Variants in ZNF557 observed in about 807,000 individuals in gnomAD.
ZNF557 encodes the protein zinc finger protein 557, also known as CTB-25J19.9.
ZNF557 carries 19 observed loss-of-function variants against 21.2 expected under a neutral mutation model. The observed-to-expected ratio is 0.90, with a 90% CI of 0.63 to 1.32. The LOEUF (loss-of-function observed/expected upper bound fraction) is 1.32, where lower values mean the gene tolerates loss of function less well. ZNF557 is among the 40% of genes most tolerant of loss of function. ZNF557 has a pLI of 0.00. For missense variants in ZNF557, 487 were observed against 519.8 expected (o/e 0.94, Z 0.61); for synonymous variants, 207 against 194.8 (o/e 1.06, Z -0.52).
chr19:7,078,537 T>G (rs1205075894), intron 5 of ZNF557, among the ~76,000 whole-genome samples: 3 of 151,806 alleles, frequency 2.0e-5, no homozygotes, highest in Non-Finnish European at 4.4e-5. Context: ...TTCAAGCAAT[T>G]CTCCCTGCCT....
At chr19:7,079,356 C>T (rs1275424416) in intron 5 of ZNF557, among the ~76,000 whole-genome samples, 1 of 151,364 alleles carries the variant, frequency 6.6e-6, no homozygotes, top group Admixed American at 6.6e-5. Context: ...ATTCTCCTGC[C>T]TCAGCCTCCC....
intron 2 of ZNF557, among the ~76,000 whole-genome samples, chr19:7,074,227 C>T (rs1977523316): frequency 6.6e-6 from 1 of 151,586 alleles, no homozygotes; most frequent in African/African-American, 2.4e-5. Flanking sequence ...AGGATCGTCT[C>T]GATCTCCTGA....
chr19:7,081,609 C>A (rs972888708), intron 6 of ZNF557, among the ~76,000 whole-genome samples, 154 bp downstream of exon 6: 3 of 152,166 alleles, frequency 2.0e-5, no homozygotes, highest in African/African-American at 7.2e-5. Flanking sequence ...TCTGAGCCCC[C>A]TCATGTACCT....
At chr19:7,071,486 G>A (rs2145160746) in intron 2 of ZNF557, among the ~76,000 whole-genome samples, 1 of 152,228 alleles carries the variant, frequency 6.6e-6, no homozygotes, top group South Asian at 2.1e-4. Flanking sequence ...CCTGCTGGGC[G>A]GCATTGTTCT....
chr19:7,082,339 C>T lies in ZNF557; in HGVS notation c.426+287C>T, dbSNP rs956794106. Among the ~76,000 whole-genome samples, 7 of 146,166 alleles carry T rather than the reference C, an allele frequency of 4.8e-5. No homozygotes were observed. In the South Asian group the frequency reaches 1.5e-3, roughly 31 times the overall value. ...TTGGGAAGCTGAAACAGAAGAATCA[C>T]TTGAACCCTGGAGGTGGAGCTTGCA... is the stretch of plus-strand genomic sequence containing the variant. On this transcript the variant is annotated intron_variant, in intron 7 of 7. Transcript: ENST00000252840.
Position 7,086,195 on chromosome 19 carries a change from C to T in ZNF557, c.*2451C>T, listed in dbSNP as rs1277964203. The T allele has an allele frequency of 7.5e-6, 1 of 133,112 alleles. No homozygotes were observed. Among genetic ancestry groups the T allele is most frequent in the African/African-American group, 2.9e-5 (1 of 34,286 alleles). 8.2% of individuals were successfully genotyped at this position (133,112 alleles called of 1,614,324 possible). A position where few individuals can be genotyped will look rare whatever the true frequency, so the allele number is the denominator to read the frequency against. The stretch of plus-strand genomic sequence containing the variant: ...GCAGTGAGCCAAGATCATGCCACTT[C>T]ACTCCAGCCTGGGCAAAAGAGTGCA... On this transcript the variant is annotated 3_prime_UTR_variant, in exon 8 of 8. Transcript: ENST00000252840.
Position 7,075,045 on chromosome 19 carries a change from C to G in ZNF557, c.-30C>G. On this transcript the variant is annotated 5_prime_UTR_variant, in exon 3 of 8. Coordinates refer to ENST00000252840, the MANE Select transcript of ZNF557 (RefSeq NM_024341.3). ...GATAAAGGAGGAGCGTCCTGCTTCCCGGCTGCCCTGTTGCTGTCGGAGTCA... is the reference window on the plus strand; with the variant it reads ...GATAAAGGAGGAGCGTCCTGCTTCCGGGCTGCCCTGTTGCTGTCGGAGTCA... The G allele has an allele frequency of 6.2e-7, 1 of 1,614,024 alleles. No homozygotes were observed. Among genetic ancestry groups the G allele is most frequent in the Non-Finnish European group, 8.5e-7 (1 of 1,179,974 alleles).
At chr19:7,076,557 CT>C (rs760879867) in intron 5 of ZNF557, 50 bp downstream of exon 5, 16 of 1,574,978 alleles carry the variant, frequency 1.0e-5, no homozygotes, top group Non-Finnish European at 1.2e-5. Flanking sequence ...GGAAGTCAGT[CT>C]TTTTTTTCTT....
intron 2 of ZNF557, among the ~76,000 whole-genome samples, chr19:7,074,636 A>C (rs1054771196): frequency 6.0e-5 from 9 of 149,706 alleles, no homozygotes; most frequent in African/African-American, 2.2e-4. Flanking sequence ...GGGAGTGGGG[A>C]GGAGGAAATC....
At position 7,083,603 on chromosome 19, in the gene ZNF557, C is replaced by T. The variant is rs1230624919; in HGVS notation, c.1152C>T (p.Ser384=). 1 of 1,614,034 alleles carries T rather than the reference C, an allele frequency of 6.2e-7. No individual in the cohort carries two copies. The part of the protein sequence containing the change: ...KSYECSDCGK[S]FNVLSSVKKH... ...ATGAGTGCAGTGATTGTGGAAAATC[C>T]TTTAATGTTCTCTCATCCGTTAAGA... Residue 384 remains serine (S), a synonymous_variant, in exon 8 of 8, where the codon TCC becomes TCT. Coordinates refer to ENST00000252840, the MANE Select transcript of ZNF557 (RefSeq NM_024341.3).
Position 7,075,748 on chromosome 19 carries a change from G to A in ZNF557, c.120+5G>A. ...CTCCTGAAAAGCTGGCTAAAGGTGA[G>A]TCGGATGTTCCTTTTTCCAAATCAT... On this transcript the variant is annotated splice_donor_5th_base_variant and intron_variant, in intron 4 of 7. Transcript: ENST00000252840. 1.2e-6 allele frequency: 2 copies of A among 1,612,720 alleles called. No homozygotes were observed. Among genetic ancestry groups the A allele is most frequent in the Non-Finnish European group, 1.7e-6 (2 of 1,179,006 alleles).
rs1977753599 is a variant in ZNF557 at position 7,083,144 on chromosome 19, T to C, written c.693T>C (p.Asn231=). 2 of 1,614,078 alleles carry C rather than the reference T, an allele frequency of 1.2e-6. No individual in the cohort carries two copies. Among genetic ancestry groups the C allele is most frequent in the Non-Finnish European group, 8.5e-7 (1 of 1,180,032 alleles). The stretch of plus-strand genomic sequence containing the variant: ...TTACTGTTCATAAGAGAATCCACAA[T>C]GGGGAGAAACCCTACGAATGCAGTG... ...SYLTVHKRIH[N]GEKPYECSDC... Residue 231 remains asparagine (N), a synonymous_variant, in exon 8 of 8, where the codon AAT becomes AAC. Transcript: ENST00000252840.
In ZNF557 at chr19:7,082,907, C is replaced by T. The variant is rs749792845; in HGVS notation, c.456C>T (p.Asn152=). 29 of 1,598,260 alleles carry T rather than the reference C, an allele frequency of 1.8e-5. No homozygotes were observed. Among genetic ancestry groups the T allele is most frequent in the East Asian group, 2.2e-5 (1 of 44,700 alleles). Residue 152 remains asparagine, a synonymous_variant, in exon 8 of 8, where the codon AAC becomes AAT. Transcript: ENST00000252840. ...GGAATCATCTTGGAGCAACACTCAA[C>T]GAATGTAATCAGTGTTTTAAAGTCT... ...MERNHLGATL[N]ECNQCFKVFS...
chr19:7,073,108 A>G (rs1460301219), intron 2 of ZNF557, among the ~76,000 whole-genome samples: 2 of 151,578 alleles, frequency 1.3e-5, no homozygotes, highest in African/African-American at 4.9e-5. Flanking sequence ...GTATAAATAC[A>G]TGGAACTGTA....
rs751434040 is a variant in ZNF557 at position 7,075,748 on chromosome 19, G to T, written c.120+5G>T. ...CTCCTGAAAAGCTGGCTAAAGGTGA[G>T]TCGGATGTTCCTTTTTCCAAATCAT... is the stretch of plus-strand genomic sequence containing the variant. On this transcript the variant is annotated splice_donor_5th_base_variant and intron_variant, in intron 4 of 7. Transcript: ENST00000252840. 2 of 1,612,720 alleles carry T rather than the reference G, an allele frequency of 1.2e-6. No individual in the cohort carries two copies. Among genetic ancestry groups the T allele is most frequent in the South Asian group, 2.2e-5 (2 of 91,066 alleles).
intron 5 of ZNF557, among the ~76,000 whole-genome samples, chr19:7,076,859 A>G (rs950809336): frequency 2.6e-5 from 4 of 152,042 alleles, no homozygotes; most frequent in African/African-American, 9.7e-5. Flanking sequence ...GCTATAGTGC[A>G]GTGGCGTGAT....
At chr19:7,079,524 G>A (rs1160173846) in intron 5 of ZNF557, among the ~76,000 whole-genome samples, 2 of 152,088 alleles carry the variant, frequency 1.3e-5, no homozygotes, top group South Asian at 2.1e-4. Context: ...ACAGCCATGA[G>A]CCACCGCGCC....
In ZNF557 at chr19:7,083,431, G is replaced by C; in HGVS notation, c.980G>C (p.Arg327Thr). ...EYPYECHDCGRTFRRRSNLTQ... is the reference protein window; with the variant it reads ...EYPYECHDCGTTFRRRSNLTQ... ...CCTTACGAATGCCACGATTGTGGGA[G>C]AACCTTCAGGAGGAGGTCGAATCTG... The change falls in exon 8 of 8, where the codon AGA (arginine) becomes ACA (threonine). Residue 327 changes from arginine (R) to threonine (T), a missense_variant. Arg to Thr is a moderately conservative substitution (Grantham distance 71). Coordinates refer to ENST00000252840, the MANE Select transcript of ZNF557 (RefSeq NM_024341.3). 1.2e-6 allele frequency: 2 copies of C among 1,614,152 alleles called. No individual in the cohort carries two copies. Among genetic ancestry groups the C allele is most frequent in the Admixed American group, 3.3e-5 (2 of 60,024 alleles).
In ZNF557 at chr19:7,083,982, A is replaced by C; in HGVS notation, c.*238A>C. 3 of 465,174 alleles carry C rather than the reference A, an allele frequency of 6.4e-6. No homozygotes were observed. The highest frequency in any genetic ancestry group is 3.9e-5 in the Admixed American group (1 of 25,444). 28.8% of individuals were successfully genotyped at this position (465,174 alleles called of 1,614,324 possible). A position where few individuals can be genotyped will look rare whatever the true frequency, so the allele number is the denominator to read the frequency against. On this transcript the variant is annotated 3_prime_UTR_variant, in exon 8 of 8. Transcript: ENST00000252840. ...AGGTTACAGTCCAGATGTCAGCAGA[A>C]CTGTAATCATCCAGAATTGTTACTG...
Sources: gnomAD v4.1 joint callset for allele counts (sites outside exome capture counted in the v4.1 genomes callset) on GRCh38, gnomAD v4.1.1 for gene constraint, MANE v1.5 for transcripts, NCBI Gene and HGNC (gene_info 2026-07-23, HGNC 2026-07-21) for gene names.